Variants in CFAP57 observed in about 807,000 individuals in gnomAD.
CFAP57 encodes cilia and flagella associated protein 57.
In CFAP57, 116 loss-of-function variants were observed where a neutral mutation model predicts 146.8. The observed-to-expected ratio is 0.79, with a 90% CI of 0.68 to 0.92. The LOEUF is 0.92. Ranked by LOEUF, CFAP57 falls within the 40% of genes least tolerant of loss-of-function variation. CFAP57 has a pLI of 0.00. For synonymous variants in CFAP57, 518 were observed against 552.8 expected, an observed-to-expected ratio of 0.94 and a Z score of 0.88; for missense variants, 1,377 against 1,527.2, an observed-to-expected ratio of 0.90 and a Z score of 1.64.
At chr1:43,228,559 G>A (rs1645345507) in intron 18 of CFAP57, among the ~76,000 whole-genome samples, 1 of 148,060 alleles carries the variant, frequency 6.8e-6, no homozygotes, top group South Asian at 2.2e-4. Context: ...AGAGCCAGGT[G>A]GAGATCAGTC....
At chr1:43,228,811 G>A (rs1645356181) in intron 18 of CFAP57, among the ~76,000 whole-genome samples, 1 of 149,188 alleles carries the variant, frequency 6.7e-6, no homozygotes, top group South Asian at 2.2e-4. Context: ...ACTGGAAGCT[G>A]GAAAGTCTAA....
intron 18 of CFAP57, among the ~76,000 whole-genome samples, chr1:43,228,976 C>T (rs959138530): frequency 2.0e-5 from 3 of 148,792 alleles, no homozygotes; most frequent in Non-Finnish European, 4.4e-5. Context: ...GCTCTGCCCT[C>T]GTGACCTGAT....
chr1:43,224,507 G>A (rs1405748189), intron 17 of CFAP57, among the ~76,000 whole-genome samples: 1 of 152,206 alleles, frequency 6.6e-6, no homozygotes, highest in African/African-American at 2.4e-5. Flanking sequence ...GTGACAGGCT[G>A]CAATAAGAAC....
intron 14 of CFAP57, 37 bp downstream of exon 14, chr1:43,221,502 G>A (rs1645041579): frequency 7.2e-7 from 1 of 1,392,420 alleles, no homozygotes; most frequent in Middle Eastern, 1.8e-4. Context: ...GGTTAGGGTT[G>A]GAAGAGCTAG....
chr1:43,198,428 T>G, intron 7 of CFAP57, 53 bp from the exon 8 acceptor site: 3 of 1,579,822 alleles, frequency 1.9e-6, no homozygotes, highest in Non-Finnish European at 2.6e-6. Context: ...AGTAGATGAC[T>G]GGAAGGATTT....
At chr1:43,190,381 C>G (rs1382580654) in intron 6 of CFAP57, among the ~76,000 whole-genome samples, 1 of 149,862 alleles carries the variant, frequency 6.7e-6, no homozygotes, top group Non-Finnish European at 1.5e-5. Context: ...TGCCATTCTC[C>G]TGCCTCAGAC....
intron 1 of CFAP57, 83 bp from the exon 2 acceptor site, chr1:43,172,652 C>CG (rs1200330205): frequency 1.0e-5 from 10 of 987,744 alleles, no homozygotes; most frequent in Non-Finnish European, 1.4e-5. Flanking sequence ...GAGCAAAGGG[C>CG]GGGGAGGGCG....
chr1:43,245,394 G>C (rs1374246256), intron 22 of CFAP57, among the ~76,000 whole-genome samples: 1 of 151,960 alleles, frequency 6.6e-6, no homozygotes, highest in Non-Finnish European at 1.5e-5. Flanking sequence ...ACCTCCTCAG[G>C]ATGCCATGTG....
In CFAP57 at chr1:43,181,691, C is replaced by T; in HGVS notation, c.315C>T (p.Phe105=). The change falls in exon 3 of 23, where the codon TTC becomes TTT. Residue 105 remains phenylalanine, a synonymous_variant. Transcript: ENST00000372492. ...RKRKVLNNFD[F]QVQKFISMAF... is the part of the protein sequence containing the mutation. ...GCAAAGTTCTTAATAATTTTGACTT[C>T]CAAGTTCAGAAATTTATTAGCATGG... 2.5e-6 allele frequency: 4 copies of T among 1,614,162 alleles called. No individual in the cohort carries two copies. Among genetic ancestry groups the T allele is most frequent in the South Asian group, 1.1e-5 (1 of 91,082 alleles).
At chr1:43,181,321 C>G (rs1044965658) in intron 2 of CFAP57, among the ~76,000 whole-genome samples, 1 of 152,200 alleles carries the variant, frequency 6.6e-6, no homozygotes, top group African/African-American at 2.4e-5. Flanking sequence ...ATCTGCCCAC[C>G]TCGGCCCCCT....
In CFAP57 at chr1:43,198,461, G is replaced by C. The variant is rs759081128; in HGVS notation, c.1263-20G>C. The C allele has an allele frequency of 6.2e-7, 1 of 1,613,220 alleles. No individual in the cohort carries two copies. The highest frequency in any genetic ancestry group is 1.1e-5 in the South Asian group (1 of 91,056). On this transcript the variant is annotated intron_variant, in intron 7 of 22. Transcript: ENST00000372492. ...TTTAGTGAGCTAAGCTTACAATTCA[G>C]TAATTGATCTTTTTCACAGCACCCT...
intron 17 of CFAP57, among the ~76,000 whole-genome samples, chr1:43,226,744 C>G (rs1333514679): frequency 6.6e-6 from 1 of 152,216 alleles, no homozygotes; most frequent in Non-Finnish European, 1.5e-5. Flanking sequence ...TACCGCTGTT[C>G]ACAACCTAAT....
chr1:43,231,653 A>G (rs548630727), intron 18 of CFAP57, among the ~76,000 whole-genome samples: 60 of 151,412 alleles, frequency 4.0e-4, no homozygotes, highest in African/African-American at 1.4e-3. Context: ...CAGGAGTTCA[A>G]GACCAGCCTG....
chr1:43,183,911 T>C, intron 4 of CFAP57, 34 bp downstream of exon 4: 1 of 1,612,144 alleles, frequency 6.2e-7, no homozygotes, highest in Non-Finnish European at 8.5e-7. Context: ...GCTCCCACAT[T>C]CATTGTACTG....
intron 22 of CFAP57, chr1:43,250,278 T>C (rs1646290254): frequency 6.6e-6 from 1 of 152,238 alleles, no homozygotes; most frequent in African/African-American, 2.4e-5. Context: ...GGTTATACGT[T>C]GTTTGCCCCA....
intron 4 of CFAP57, 98 bp downstream of exon 4, chr1:43,183,975 C>A: frequency 6.7e-7 from 1 of 1,488,244 alleles, no homozygotes; most frequent in East Asian, 2.3e-5. Flanking sequence ...ACCCCTCTAC[C>A]GTAAAAGTCA....
intron 21 of CFAP57, among the ~76,000 whole-genome samples, chr1:43,239,610 A>G (rs1257533139): frequency 6.6e-6 from 1 of 152,256 alleles, no homozygotes; most frequent in Non-Finnish European, 1.5e-5. Context: ...GACAGAATGG[A>G]TGGAGATGAC....
chr1:43,174,154 G>T (rs1289475998), intron 2 of CFAP57, among the ~76,000 whole-genome samples: 1 of 152,034 alleles, frequency 6.6e-6, no homozygotes, highest in East Asian at 1.9e-4. Flanking sequence ...TATATATTCT[G>T]TATATCAATA....
chr1:43,223,965 G>T (rs1488968303), intron 16 of CFAP57, 81 bp from the exon 17 acceptor site: 3 of 1,476,864 alleles, frequency 2.0e-6, no homozygotes, highest in Non-Finnish European at 2.7e-6. Flanking sequence ...GTGGTGGGGA[G>T]CCCCTTACAC....
Sources: gnomAD v4.1 joint callset for allele counts (sites outside exome capture counted in the v4.1 genomes callset) on GRCh38, gnomAD v4.1.1 for gene constraint, MANE v1.5 for transcripts, NCBI Gene and HGNC (gene_info 2026-07-23, HGNC 2026-07-21) for gene names.